ZNRF1: variants seen among roughly 807,000 people sequenced by gnomAD.
ZNRF1 encodes zinc and ring finger 1.
ZNRF1 carries 3 observed loss-of-function variants against 18.4 expected under a neutral mutation model. The observed-to-expected ratio is 0.16, with a 90% CI of 0.07 to 0.42. The LOEUF is 0.42. Among genes scored for constraint, ZNRF1 ranks in the 10% least tolerant of loss-of-function variants. ZNRF1 has a pLI of 0.99. For synonymous variants in ZNRF1, 157 were observed against 144.2 expected, an observed-to-expected ratio of 1.09 and a Z score of -0.64; for missense variants, 310 against 329.8, an observed-to-expected ratio of 0.94 and a Z score of 0.47.
In ZNRF1 at chr16:75,010,705, T is replaced by TTTTTTG. The variant is rs1471766733; in HGVS notation, c.424+10616_424+10621dup. Among the ~76,000 whole-genome samples, 132 of 40,278 alleles carry TTTTTTG rather than the reference T, an allele frequency of 3.3e-3. 3 individuals carry two copies. Among genetic ancestry groups the TTTTTTG allele is most frequent in the South Asian group, 0.012 (9 of 754 alleles). The allele number at this position is 40,278 out of a possible 152,430, so 26.4% of individuals were successfully genotyped here. A position where few individuals can be genotyped will look rare whatever the true frequency, so the allele number is the denominator to read the frequency against. Reference sequence around the variant, plus strand: ...TAGTCACCTCTGTACTGTACTGTTTTTTTTTGTTTTTTTGTTTTTTTTTTT... The same window carrying TTTTTTG: ...TAGTCACCTCTGTACTGTACTGTTTTTTTTTGTTTTTGTTTTTTTGTTTTTTTTTTT... On this transcript the variant is annotated intron_variant, in intron 1 of 4. Coordinates refer to ENST00000335325, the MANE Select transcript of ZNRF1 (RefSeq NM_032268.5).
In ZNRF1 at chr16:75,050,903, A is replaced by AAC. The variant is rs1424193941; in HGVS notation, c.425-42668_425-42667insCA. ...AAAAAAAAAAACAAAAAAAAACAAAAAACTTGTAGCCAGGTACAGTGGCTC... is the reference window on the plus strand; with the variant it reads ...AAAAAAAAAAACAAAAAAAAACAAAAACAACTTGTAGCCAGGTACAGTGGCTC... On this transcript the variant is annotated intron_variant, in intron 1 of 4. Coordinates refer to ENST00000335325, the MANE Select transcript of ZNRF1 (RefSeq NM_032268.5). Among the ~76,000 whole-genome samples the AAC allele has an allele frequency of 1.4e-3, 185 of 132,520 alleles. 4 individuals carry two copies. The highest frequency in any genetic ancestry group is 5.2e-3 in the African/African-American group (179 of 34,256). 86.9% of individuals were successfully genotyped at this position (132,520 alleles called of 152,430 possible).
At chr16:75,025,573 C>T (rs1047928734) in intron 1 of ZNRF1, among the ~76,000 whole-genome samples, 1 of 152,062 alleles carries the variant, frequency 6.6e-6, no homozygotes, top group Admixed American at 6.6e-5. Context: ...CAGGAAAGAT[C>T]GTATAGCCCC....
At chr16:75,059,111 A>C (rs947681041) in intron 1 of ZNRF1, among the ~76,000 whole-genome samples, 4 of 152,054 alleles carry the variant, frequency 2.6e-5, no homozygotes, top group African/African-American at 9.7e-5. Flanking sequence ...CTGTTTTGAG[A>C]GTAGGTGTCA....
At chr16:75,034,907 G>A (rs1351838201) in intron 1 of ZNRF1, among the ~76,000 whole-genome samples, 1 of 152,082 alleles carries the variant, frequency 6.6e-6, no homozygotes, top group Non-Finnish European at 1.5e-5. Context: ...GATTACAGGT[G>A]TGAGCCACTG....
At chr16:75,031,984 C>A (rs1218005833) in intron 1 of ZNRF1, among the ~76,000 whole-genome samples, 1 of 152,114 alleles carries the variant, frequency 6.6e-6, no homozygotes, top group African/African-American at 2.4e-5. Context: ...TTCTGATTCT[C>A]CACATCTTTT....
At chr16:75,066,564 G>T (rs574152854) in intron 1 of ZNRF1, among the ~76,000 whole-genome samples, 1 of 152,124 alleles carries the variant, frequency 6.6e-6, no homozygotes, top group Non-Finnish European at 1.5e-5. Flanking sequence ...GTGCAGTGGC[G>T]CGATGTCAGG....
At chr16:75,048,301 C>T (rs1008977624) in intron 1 of ZNRF1, among the ~76,000 whole-genome samples, 6 of 152,104 alleles carry the variant, frequency 3.9e-5, no homozygotes, top group Non-Finnish European at 5.9e-5. Context: ...GGGCCCACCC[C>T]GATGACCTCA....
At chr16:75,036,451 G>T (rs1427360050) in intron 1 of ZNRF1, among the ~76,000 whole-genome samples, 1 of 152,004 alleles carries the variant, frequency 6.6e-6, no homozygotes, top group South Asian at 2.1e-4. Flanking sequence ...TTTTAATCCA[G>T]ACTGACAGTC....
Position 75,009,251 on chromosome 16 carries a change from C to G in ZNRF1, c.424+9156C>G, listed in dbSNP as rs112182069. On this transcript the variant is annotated intron_variant, in intron 1 of 4. Transcript: ENST00000335325. The stretch of plus-strand genomic sequence containing the variant: ...CTTCTGTGCTGGCTCCCCTCTCCCC[C>G]ACCTCCCCAGTTTTGTTTTGTTTTT... Among the ~76,000 whole-genome samples, 286 of 152,310 alleles carry G rather than the reference C, an allele frequency of 1.9e-3. 2 individuals carry two copies. Among genetic ancestry groups the G allele is most frequent in the Middle Eastern group, 0.014 (4 of 294 alleles).
Position 75,106,581 on chromosome 16 carries a change from C to A in ZNRF1, c.*32+10C>A. On this transcript the variant is annotated intron_variant, in intron 4 of 4. Coordinates refer to ENST00000335325, the MANE Select transcript of ZNRF1 (RefSeq NM_032268.5). ...CTGACTCCTCTCAAAGGTGAGCCCG[C>A]GTTTGGGGGTGCTCCGGGCTCAAGG... is the stretch of plus-strand genomic sequence containing the variant. 6.2e-7 allele frequency: 1 copy of A among 1,612,354 alleles called. No individual in the cohort carries two copies. Among genetic ancestry groups the A allele is most frequent in the Non-Finnish European group, 8.5e-7 (1 of 1,178,618 alleles).
rs118017851 is a variant in ZNRF1, at chr16:75,023,733, C to A, written c.424+23638C>A. ...AAAAAAAAGGTCACACCAGCCTGGG[C>A]CCCAACAAGCTATGTAGGAGGGAAG... On this transcript the variant is annotated intron_variant, in intron 1 of 4. Coordinates refer to ENST00000335325, the MANE Select transcript of ZNRF1 (RefSeq NM_032268.5). 7.1e-3 allele frequency among the ~76,000 whole-genome samples: 1,073 copies of A among 152,068 alleles called. 40 individuals carry two copies. The highest frequency in any genetic ancestry group is 0.05 in the East Asian group (259 of 5,170).
chr16:75,033,874 C>T (rs759659884), intron 1 of ZNRF1, among the ~76,000 whole-genome samples: 1 of 152,170 alleles, frequency 6.6e-6, no homozygotes, highest in South Asian at 2.1e-4. Flanking sequence ...TGGCCAGGTG[C>T]AGTGGCTCAC....
chr16:75,065,084 G>C (rs958351211), intron 1 of ZNRF1, among the ~76,000 whole-genome samples: 9 of 152,242 alleles, frequency 5.9e-5, no homozygotes, highest in Admixed American at 6.5e-5. Flanking sequence ...AAGGAAAAAA[G>C]GGAATGTGTT....
At chr16:75,031,448 A>G (rs2035302294) in intron 1 of ZNRF1, among the ~76,000 whole-genome samples, 1 of 151,838 alleles carries the variant, frequency 6.6e-6, no homozygotes, top group African/African-American at 2.4e-5. Flanking sequence ...TTTTGTGTAG[A>G]CATTTTCTTG....
At chr16:75,103,824 A>C (rs1201867355) in intron 2 of ZNRF1, among the ~76,000 whole-genome samples, 2 of 152,138 alleles carry the variant, frequency 1.3e-5, no homozygotes, top group Non-Finnish European at 1.5e-5. Flanking sequence ...GTCTCTACTA[A>C]AAATACAAAA....
chr16:75,087,248 C>T (rs1318972919), intron 1 of ZNRF1, among the ~76,000 whole-genome samples: 1 of 152,176 alleles, frequency 6.6e-6, no homozygotes, highest in Admixed American at 6.5e-5. Flanking sequence ...CACATGACCA[C>T]ATCAGCATTC....
chr16:75,082,655 G>A (rs1203933130), intron 1 of ZNRF1, among the ~76,000 whole-genome samples: 1 of 152,190 alleles, frequency 6.6e-6, no homozygotes, highest in South Asian at 2.1e-4. Context: ...CTGGGCTCCA[G>A]CCATCCTCCT....
In ZNRF1 at chr16:75,109,397, C is replaced by T. The variant is rs2145435797; in HGVS notation, c.*1697C>T. 1 of 152,974 alleles carries T rather than the reference C, an allele frequency of 6.5e-6. No homozygotes were observed. The allele number at this position is 152,974 out of a possible 1,614,324, so 9.5% of individuals were successfully genotyped here. A position where few individuals can be genotyped will look rare whatever the true frequency, so the allele number is the denominator to read the frequency against. On this transcript the variant is annotated 3_prime_UTR_variant, in exon 5 of 5. Coordinates refer to ENST00000335325, the MANE Select transcript of ZNRF1 (RefSeq NM_032268.5). ...CCACCGCCTCTCTGCTCTGACCCTT[C>T]TCAGGCCCGCCTGATGTGCTGGACC... is the stretch of plus-strand genomic sequence containing the variant.
intron 4 of ZNRF1, 175 bp downstream of exon 4, chr16:75,106,746 G>T: frequency 1.7e-6 from 1 of 583,892 alleles, no homozygotes; most frequent in East Asian, 3.0e-5. Context: ...TCCCTGGGAA[G>T]GACAAGAGAT....
Sources: allele counts gnomAD v4.1 joint callset (sites outside exome capture counted in the v4.1 genomes callset), GRCh38; gene constraint gnomAD v4.1.1; transcripts MANE v1.5; gene names NCBI Gene and HGNC (gene_info 2026-07-23, HGNC 2026-07-21).